Variants in STAT5A observed in about 807,000 individuals in gnomAD.
STAT5A encodes the protein signal transducer and activator of transcription 5A.
In STAT5A, 26 loss-of-function variants were observed where a neutral mutation model predicts 100.2. The ratio of observed to expected loss-of-function variants is 0.26; its 90% CI spans 0.19 to 0.36. The LOEUF (loss-of-function observed/expected upper bound fraction) is 0.36. STAT5A is among the 10% of genes least tolerant of loss of function. The probability of loss-of-function intolerance (pLI) is 1.00; values close to 1 mark genes in which losing one functional copy is unlikely to be tolerated. For missense variants in STAT5A, 634 were observed against 1,027.5 expected (o/e 0.62, Z 5.24); for synonymous variants, 330 against 424.3 (o/e 0.78, Z 2.73).
chr17:42,305,798 C>G, intron 12 of STAT5A, 96 bp downstream of exon 12: 1 of 1,335,046 alleles, frequency 7.5e-7, no homozygotes, highest in East Asian at 2.4e-5. Flanking sequence ...GTGGTCCTTC[C>G]TCACCCCAGG....
chr17:42,306,724 CTT>C (rs373460271), intron 13 of STAT5A, among the ~76,000 whole-genome samples: 1 of 144,148 alleles, frequency 6.9e-6, no homozygotes. Context: ...TGCTAATTTT[CTT>C]TTTTTTTTTT....
At chr17:42,294,203 G>T (rs560514437) in intron 4 of STAT5A, among the ~76,000 whole-genome samples, 1 of 148,936 alleles carries the variant, frequency 6.7e-6, no homozygotes, top group Non-Finnish European at 1.5e-5. Context: ...GCAACAGAGC[G>T]AGACTCTGTA....
At chr17:42,295,148 G>A (rs754881982) in intron 4 of STAT5A, among the ~76,000 whole-genome samples, 6 of 152,214 alleles carry the variant, frequency 3.9e-5, no homozygotes, top group South Asian at 2.1e-4. Flanking sequence ...TCTTAAGTGA[G>A]ATGGTGTGTG....
At chr17:42,307,850 G>A (rs2081044799) in intron 15 of STAT5A, 127 bp downstream of exon 15, 3 of 1,350,148 alleles carry the variant, frequency 2.2e-6, no homozygotes, top group Non-Finnish European at 1.0e-6. Context: ...GTATGAGAGG[G>A]CTGTGGCTTG....
In STAT5A at chr17:42,301,465, C is replaced by T; in HGVS notation, c.1169+11C>T. ...TGAGAACACCCGCAAGTAATTGTGC[C>T]TCTCCCTTCCCCTGCCCAAGCTTAG... is the stretch of plus-strand genomic sequence containing the variant. On this transcript the variant is annotated intron_variant, in intron 9 of 18. Transcript: ENST00000590949. The T allele has an allele frequency of 6.2e-7, 1 of 1,614,076 alleles. No homozygotes were observed. The highest frequency in any genetic ancestry group is 8.5e-7 in the Non-Finnish European group (1 of 1,179,988).
chr17:42,309,134 T>G (rs750520375), intron 17 of STAT5A, 36 bp downstream of exon 17: 2 of 1,612,988 alleles, frequency 1.2e-6, no homozygotes, highest in South Asian at 2.2e-5. Context: ...TCCTTCTGCC[T>G]CTTTCCTCCT....
chr17:42,308,719 A>G lies in STAT5A; in HGVS notation c.2063-328A>G, dbSNP rs1296920516. On this transcript the variant is annotated intron_variant, in intron 16 of 18. Transcript: ENST00000590949. The surrounding 1 kb of genome is among the most constrained non-coding windows in gnomAD (Gnocchi z 4.6). ...CCCCGAGTGGAGTGCAGGCAGCAAA[A>G]GGGAGAAGTCTCTCTTCTTCCAGCT... is the stretch of plus-strand genomic sequence containing the variant. 4.1e-6 allele frequency: 2 copies of G among 492,640 alleles called. No homozygotes were observed. Among genetic ancestry groups the G allele is most frequent in the East Asian group, 3.8e-5 (1 of 26,612 alleles). 30.5% of individuals were successfully genotyped at this position (492,640 alleles called of 1,614,324 possible).
intron 18 of STAT5A, among the ~76,000 whole-genome samples, chr17:42,310,180 C>T (rs988845358): frequency 8.5e-5 from 13 of 152,278 alleles, no homozygotes; most frequent in Non-Finnish European, 1.8e-4. Flanking sequence ...GTGAACGGGG[C>T]GGTGCCTACC....
intron 1 of STAT5A, 30 bp from the exon 2 acceptor site, chr17:42,289,372 G>A: frequency 1.3e-6 from 2 of 1,579,040 alleles, no homozygotes; most frequent in Non-Finnish European, 1.7e-6. Flanking sequence ...CTCTGCAGAG[G>A]AGAGCGCTTC....
rs570046587 is a variant in STAT5A, at chr17:42,307,506, G to A, written c.1775+10G>A. 1.6e-4 allele frequency: 266 copies of A among 1,614,044 alleles called. No homozygotes were observed. The highest frequency in any genetic ancestry group is 4.8e-4 in the African/African-American group (36 of 75,024). On this transcript the variant is annotated intron_variant, in intron 14 of 18. Coordinates refer to ENST00000590949, the MANE Select transcript of STAT5A (RefSeq NM_001288718.2). ...CCCACTGGAATGATGGGTAAGGAAC[G>A]GGGGCTGCAGGGTCAGGGGCCAGCT...
intron 2 of STAT5A, 102 bp from the exon 3 acceptor site, chr17:42,289,764 G>T: frequency 7.0e-7 from 1 of 1,427,904 alleles, no homozygotes; most frequent in Non-Finnish European, 9.2e-7. Context: ...GCCCTGGAGT[G>T]CCCTCGGTCA....
chr17:42,302,832 T>C (rs1271368157), intron 9 of STAT5A, among the ~76,000 whole-genome samples: 1 of 151,682 alleles, frequency 6.6e-6, no homozygotes, highest in Non-Finnish European at 1.5e-5. Flanking sequence ...TACTTGGACC[T>C]CTAGTCCTAA....
chr17:42,302,510 A>G (rs16964914), intron 9 of STAT5A, among the ~76,000 whole-genome samples: 3,157 of 112,786 alleles, frequency 0.028, 126 homozygotes, highest in African/African-American at 0.15. Flanking sequence ...CAGAGACATT[A>G]TGTGTAGCAG....
chr17:42,311,770 C>G lies in STAT5A; in HGVS notation c.*1101C>G, dbSNP rs2081085269. The stretch of plus-strand genomic sequence containing the variant: ...TGCTCCCAACCCCACACGCTCCTCC[C>G]TCTGAGGCTGTAGGACTCGCAGTCA... On this transcript the variant is annotated 3_prime_UTR_variant, in exon 19 of 19. Transcript: ENST00000590949. The G allele has an allele frequency of 6.5e-6, 1 of 152,698 alleles. No individual in the cohort carries two copies. The highest frequency in any genetic ancestry group is 1.5e-5 in the Non-Finnish European group (1 of 68,056). 9.5% of individuals were successfully genotyped at this position (152,698 alleles called of 1,614,324 possible).
Position 42,304,270 on chromosome 17 carries a change from C to G in STAT5A, c.1170-72C>G. The G allele has an allele frequency of 6.8e-7, 1 of 1,475,562 alleles. No homozygotes were observed. Among genetic ancestry groups the G allele is most frequent in the Non-Finnish European group, 9.4e-7 (1 of 1,060,384 alleles). The allele number at this position is 1,475,562 out of a possible 1,614,324, so 91.4% of individuals were successfully genotyped here. On this transcript the variant is annotated intron_variant, in intron 9 of 18. Transcript: ENST00000590949. The surrounding 1 kb of genome is among the most constrained non-coding windows in gnomAD (Gnocchi z 4.8). ...GGGCTGACCTGAGCGAAGACCCCAG[C>G]CCGAGGTGTGGACAGGACCATGCTC... is the stretch of plus-strand genomic sequence containing the variant.
intron 8 of STAT5A, 143 bp from the exon 9 acceptor site, chr17:42,301,132 C>T (rs2080973960): frequency 7.1e-7 from 1 of 1,416,114 alleles, no homozygotes; most frequent in Non-Finnish European, 9.6e-7. Context: ...ACTCTCACAG[C>T]TTCCCCGGGA....
At position 42,308,349 on chromosome 17, in the gene STAT5A, G is replaced by A; in HGVS notation, c.2062+16G>A. 1 of 1,614,022 alleles carries A rather than the reference G, an allele frequency of 6.2e-7. No individual in the cohort carries two copies. Among genetic ancestry groups the A allele is most frequent in the South Asian group, 1.1e-5 (1 of 91,078 alleles). The stretch of plus-strand genomic sequence containing the variant: ...CCTGTGCTGGGTGGGTACTGCCCCA[G>A]GACCCTGCCGGCTGACTCCCCCGGG... On this transcript the variant is annotated intron_variant, in intron 16 of 18. Transcript: ENST00000590949. The surrounding 1 kb of genome is among the most constrained non-coding windows in gnomAD (Gnocchi z 4.6).
At position 42,308,008 on chromosome 17, in the gene STAT5A, GGTTTGCTGAGTAGAACATCC is replaced by G. The variant is rs1016896715; in HGVS notation, c.1907-169_1907-150del. Among the ~76,000 whole-genome samples the G allele has an allele frequency of 1.2e-4, 19 of 152,180 alleles. No homozygotes were observed. The highest frequency in any genetic ancestry group is 4.6e-4 in the African/African-American group (19 of 41,432). On this transcript the variant is annotated intron_variant, in intron 15 of 18. Transcript: ENST00000590949. The surrounding 1 kb of genome is among the most constrained non-coding windows in gnomAD (Gnocchi z 4.6). Reference sequence around the variant, plus strand: ...CAGCCTTGTTGGTATCTGCTCATCTGGTTTGCTGAGTAGAACATCCCGCATCGGCTTTCTTCCCTACAGGC... The same window carrying G: ...CAGCCTTGTTGGTATCTGCTCATCTGCGCATCGGCTTTCTTCCCTACAGGC...
intron 7 of STAT5A, among the ~76,000 whole-genome samples, 159 bp from the exon 8 acceptor site, chr17:42,300,556 G>C (rs559264547): frequency 5.2e-4 from 79 of 151,964 alleles, no homozygotes; most frequent in Non-Finnish European, 1.0e-3. Context: ...TCCTGTGTAC[G>C]TCTCTAATTC....
Sources: gnomAD v4.1 joint callset for allele counts (sites outside exome capture counted in the v4.1 genomes callset) on GRCh38, gnomAD v4.1.1 for gene constraint, Gnocchi (gnomAD v3.1) non-coding constraint, MANE v1.5 for transcripts, NCBI Gene and HGNC (gene_info 2026-07-23, HGNC 2026-07-21) for gene names.